The following GRIN2B variants were observed in gnomAD, a reference collection of about 807,000 sequenced individuals.
GRIN2B encodes the protein glutamate receptor ionotropic, NMDA 2B.
Under a neutral mutation model 114.5 loss-of-function variants are expected in GRIN2B, and 5 were observed. The ratio of observed to expected loss-of-function variants is 0.04; its 90% CI spans 0.02 to 0.09. GRIN2B has a LOEUF of 0.09. Among genes scored for constraint, GRIN2B ranks in the 10% least tolerant of loss-of-function variants. GRIN2B has a pLI of 1.00. For synonymous variants in GRIN2B, 787 were observed against 745.1 expected (o/e 1.06, Z -0.92); for missense variants, 1,108 against 1,943.5 (o/e 0.57, Z 8.08).
intron 2 of GRIN2B, among the ~76,000 whole-genome samples, chr12:13,926,791 A>G (rs1284328093): frequency 6.6e-6 from 1 of 152,072 alleles, no homozygotes; most frequent in Non-Finnish European, 1.5e-5. Context: ...AGCTCTACTA[A>G]AAATACAAAA....
chr12:13,735,497 C>T (rs1863161987), intron 4 of GRIN2B, among the ~76,000 whole-genome samples: 1 of 152,202 alleles, frequency 6.6e-6, no homozygotes, highest in African/African-American at 2.4e-5. Context: ...GAGTCAACCT[C>T]CTTTTCCCTG....
At chr12:13,657,732 T>A (rs1020818001) in intron 5 of GRIN2B, among the ~76,000 whole-genome samples, 3 of 152,180 alleles carry the variant, frequency 2.0e-5, no homozygotes, top group Non-Finnish European at 4.4e-5. Flanking sequence ...AATACATGAA[T>A]CTAAATAGAT....
intron 4 of GRIN2B, 43 bp from the exon 5 acceptor site, chr12:13,675,902 G>A: frequency 8.8e-7 from 1 of 1,133,420 alleles, no homozygotes; most frequent in Non-Finnish European, 1.3e-6. Flanking sequence ...TATGAAGAGG[G>A]TATACCATGA....
intron 2 of GRIN2B, among the ~76,000 whole-genome samples, chr12:13,975,527 TTCTAAAGTATCACATAGC>T (rs1234677475): frequency 6.6e-6 from 1 of 152,212 alleles, no homozygotes; most frequent in Non-Finnish European, 1.5e-5. Flanking sequence ...AGTAGATGCT[TTCTAAAGTATCACATAGC>T]TCTGATATTC....
At chr12:13,913,198 C>T (rs1866653719) in intron 2 of GRIN2B, among the ~76,000 whole-genome samples, 1 of 152,170 alleles carries the variant, frequency 6.6e-6, no homozygotes, top group African/African-American at 2.4e-5. Flanking sequence ...ACCATGTTTC[C>T]TTTTCTTTCC....
intron 2 of GRIN2B, among the ~76,000 whole-genome samples, chr12:13,961,393 T>C (rs927245852): frequency 2.0e-5 from 3 of 152,098 alleles, no homozygotes; most frequent in Non-Finnish European, 4.4e-5. Flanking sequence ...GAAATGCTGC[T>C]GGACACCTGG....
At chr12:13,903,557 C>T (rs1346086247) in intron 2 of GRIN2B, among the ~76,000 whole-genome samples, 2 of 152,178 alleles carry the variant, frequency 1.3e-5, no homozygotes, top group Middle Eastern at 3.4e-3. Flanking sequence ...AATTGCACTT[C>T]GATCAGGAAG....
intron 3 of GRIN2B, among the ~76,000 whole-genome samples, chr12:13,831,603 A>G (rs182758171): frequency 6.6e-6 from 1 of 152,306 alleles, no homozygotes; most frequent in East Asian, 1.9e-4. Flanking sequence ...GAAAGGGAAC[A>G]CGTTAGGAAT....
chr12:13,566,462 C>T (rs1388955381), intron 13 of GRIN2B, among the ~76,000 whole-genome samples: 1 of 152,158 alleles, frequency 6.6e-6, no homozygotes, highest in Non-Finnish European at 1.5e-5. Flanking sequence ...TAAAGAATGA[C>T]CTAAGAGTTT....
intron 3 of GRIN2B, among the ~76,000 whole-genome samples, chr12:13,807,376 T>C (rs1864621806): frequency 6.6e-6 from 1 of 151,984 alleles, no homozygotes; most frequent in Non-Finnish European, 1.5e-5. Flanking sequence ...CCTAGAAAAA[T>C]TCCCATGACT....
At chr12:13,656,233 C>A (rs1251999325) in intron 5 of GRIN2B, among the ~76,000 whole-genome samples, 2 of 152,200 alleles carry the variant, frequency 1.3e-5, no homozygotes, top group Non-Finnish European at 2.9e-5. Context: ...AAAAGCATCA[C>A]TGTGCCCTAT....
In GRIN2B at chr12:13,563,734, G is replaced by A. The variant is rs183502070; in HGVS notation, c.3504C>T (p.Ser1168=). ...RSDDFKRDSV[S]GGGPCTNRSH... is the part of the protein sequence containing the mutation. ...ACCTGTTGGTACAGGGCCCTCCTCC[G>A]CTGACGGAGTCGCGCTTAAAGTCAT... is the stretch of plus-strand genomic sequence containing the variant. Residue 1168 remains serine (S), a synonymous_variant, in exon 14 of 14, where the codon AGC becomes AGT. Coordinates refer to ENST00000609686, the MANE Select transcript of GRIN2B (RefSeq NM_000834.5). 1.4e-5 allele frequency: 23 copies of A among 1,613,712 alleles called. No homozygotes were observed. The highest frequency in any genetic ancestry group is 3.3e-5 in the South Asian group (3 of 91,090).
At chr12:13,690,907 A>G (rs1307394949) in intron 4 of GRIN2B, among the ~76,000 whole-genome samples, 1 of 152,206 alleles carries the variant, frequency 6.6e-6, no homozygotes, top group Non-Finnish European at 1.5e-5. Context: ...TCATTTTGTC[A>G]GTTTGGAAAG....
chr12:13,951,613 G>T (rs1867480593), intron 2 of GRIN2B, among the ~76,000 whole-genome samples: 1 of 152,140 alleles, frequency 6.6e-6, no homozygotes. Flanking sequence ...AATCTAGGAA[G>T]ACTTCATGGA....
rs537356303 is a variant in GRIN2B at position 13,668,842 on chromosome 12, T to G, written c.1125+6903A>C. 6.6e-5 allele frequency among the ~76,000 whole-genome samples: 10 copies of G among 151,606 alleles called. 1 individual carries two copies. In the South Asian group the frequency reaches 1.3e-3, roughly 19 times the overall value. On this transcript the variant is annotated intron_variant, in intron 5 of 13. Coordinates refer to ENST00000609686, the MANE Select transcript of GRIN2B (RefSeq NM_000834.5). ...CCACCAGGAAAGCTATGATACAAAT[T>G]TGTGGGGGCAGTCCTTGGCTCATGA...
At chr12:13,898,683 G>A (rs926558137) in intron 2 of GRIN2B, among the ~76,000 whole-genome samples, 1 of 152,142 alleles carries the variant, frequency 6.6e-6, no homozygotes, top group Admixed American at 6.5e-5. Context: ...AGGCCAAGGC[G>A]GGTGTATCAC....
rs1948515545 is a variant in GRIN2B, at chr12:13,559,612, C to T, written c.*3171G>A. 1 of 152,230 alleles carries T rather than the reference C, an allele frequency of 6.6e-6. No individual in the cohort carries two copies. Among genetic ancestry groups the T allele is most frequent in the South Asian group, 2.1e-4 (1 of 4,828 alleles). The allele number at this position is 152,230 out of a possible 1,614,324, so 9.4% of individuals were successfully genotyped here. On this transcript the variant is annotated 3_prime_UTR_variant, in exon 14 of 14. Transcript: ENST00000609686. ...AATCTTGCTAAGGGAATCATCTCAC[C>T]ACTGAGTTTCTAGTGGATCCCATCA... is the stretch of plus-strand genomic sequence containing the variant.
At position 13,563,175 on chromosome 12, in the gene GRIN2B, A is replaced by G; in HGVS notation, c.4063T>C (p.Ser1355Pro). The change falls in exon 14 of 14, where the codon TCA becomes CCA. Residue 1355 changes from serine (S) to proline (P), a missense_variant. By Grantham distance (74) the Ser-to-Pro change is moderately conservative. Transcript: ENST00000609686. ...GESTFANNKS[S>P]VPTAGHHHHN... Reference sequence around the variant, plus strand: ...TGGTGATGTCCGGCAGTGGGCACTGAGGACTTGTTGTTGGCAAAGGTGCTC... The same window carrying G: ...TGGTGATGTCCGGCAGTGGGCACTGGGGACTTGTTGTTGGCAAAGGTGCTC... 1 of 1,614,162 alleles carries G rather than the reference A, an allele frequency of 6.2e-7. No homozygotes were observed. The highest frequency in any genetic ancestry group is 8.5e-7 in the Non-Finnish European group (1 of 1,180,036).
At chr12:13,805,188 T>C (rs1864579917) in intron 3 of GRIN2B, among the ~76,000 whole-genome samples, 1 of 152,170 alleles carries the variant, frequency 6.6e-6, no homozygotes, top group Non-Finnish European at 1.5e-5. Context: ...TCATCTCTAT[T>C]TTACAATTAA....
Sources: gnomAD v4.1 joint callset for allele counts (sites outside exome capture counted in the v4.1 genomes callset) on GRCh38, gnomAD v4.1.1 for gene constraint, MANE v1.5 for transcripts, NCBI Gene and HGNC (gene_info 2026-07-23, HGNC 2026-07-21) for gene names.